FRAS1: variants seen among roughly 807,000 people sequenced by gnomAD.
FRAS1 encodes the protein extracellular matrix organizing protein FRAS1.
Under a neutral mutation model 435.2 loss-of-function variants are expected in FRAS1, and 290 were observed. That is an observed-to-expected ratio of 0.67 (90% CI 0.61 to 0.73). The LOEUF (loss-of-function observed/expected upper bound fraction) is 0.73, where lower values mean the gene tolerates loss of function less well. Ranked by LOEUF, FRAS1 falls within the 30% of genes least tolerant of loss-of-function variation. The pLI, the probability that FRAS1 is intolerant of heterozygous loss-of-function variation, is 0.00. For missense variants in FRAS1, 4,860 were observed against 5,001.5 expected, an observed-to-expected ratio of 0.97 and a Z score of 0.85; for synonymous variants, 1,800 against 1,851.0, an observed-to-expected ratio of 0.97 and a Z score of 0.71.
intron 2 of FRAS1, among the ~76,000 whole-genome samples, chr4:78,091,241 T>G (rs1356726356): frequency 1.3e-5 from 2 of 152,086 alleles, no homozygotes; most frequent in African/African-American, 4.8e-5. Context: ...TATTTAGGAA[T>G]CTCTCTTTTT....
At chr4:78,290,554 T>G (rs1727842540) in intron 14 of FRAS1, among the ~76,000 whole-genome samples, 1 of 151,922 alleles carries the variant, frequency 6.6e-6, no homozygotes, top group African/African-American at 2.4e-5. Context: ...CCTCCTGGGT[T>G]CAAGCGATTC....
rs981987632 is a variant in FRAS1, at chr4:78,446,232, A to G, written c.5857-495A>G. 1.1e-5 allele frequency: 11 copies of G among 996,218 alleles called. No homozygotes were observed. The African/African-American group carries it at 1.7e-4, about 16-fold the overall frequency. The allele number at this position is 996,218 out of a possible 1,614,324, so 61.7% of individuals were successfully genotyped here. ...GAAATACCCTCTGCCTTGGGAAAAT[A>G]AAATGTAAAGAACCCTCTGCACTCT... On this transcript the variant is annotated intron_variant, in intron 42 of 73. Transcript: ENST00000512123.
intron 18 of FRAS1, among the ~76,000 whole-genome samples, chr4:78,328,422 C>G (rs72866341): frequency 0.039 from 5,978 of 152,228 alleles, 323 homozygotes; most frequent in African/African-American, 0.12. Context: ...GTGCAAAAAT[C>G]TGTTGCTTCA....
chr4:78,323,957 G>C (rs1729614967), intron 18 of FRAS1, among the ~76,000 whole-genome samples: 1 of 152,130 alleles, frequency 6.6e-6, no homozygotes, highest in Admixed American at 6.5e-5. Context: ...TCAGTCGGGT[G>C]GGGGTGAGGT....
intron 20 of FRAS1, among the ~76,000 whole-genome samples, chr4:78,343,745 A>T (rs1461187405): frequency 1.3e-5 from 2 of 152,102 alleles, no homozygotes; most frequent in Non-Finnish European, 2.9e-5. Context: ...AGGGGGGAAA[A>T]CCCAGTTTAA....
At chr4:78,218,722 C>T (rs1723912410) in intron 2 of FRAS1, among the ~76,000 whole-genome samples, 1 of 152,208 alleles carries the variant, frequency 6.6e-6, no homozygotes, top group Non-Finnish European at 1.5e-5. Context: ...TGATCCAGCA[C>T]TGTTCCAAAC....
intron 3 of FRAS1, among the ~76,000 whole-genome samples, chr4:78,238,662 A>T (rs1724866052): frequency 6.6e-6 from 1 of 152,140 alleles, no homozygotes. Context: ...CTTTATGTTT[A>T]TAGGGTAAAT....
At position 78,317,203 on chromosome 4, in the gene FRAS1, T is replaced by G. The variant is rs142390946; in HGVS notation, c.1820-165T>G. Among the ~76,000 whole-genome samples, 1,159 of 152,312 alleles carry G rather than the reference T, an allele frequency of 7.6e-3. 8 individuals are homozygous for G. Among genetic ancestry groups the G allele is most frequent in the Non-Finnish European group, 0.011 (746 of 68,024 alleles). On this transcript the variant is annotated intron_variant, in intron 16 of 73. Transcript: ENST00000512123. ...TGGCTAAATGGTGGGTAAACGGCCA[T>G]GTGGGCAGTTCTGGCAGTGTAACCA...
At chr4:78,539,584 G>A in intron 73 of FRAS1, 144 bp downstream of exon 73, 1 of 835,540 alleles carries the variant, frequency 1.2e-6, no homozygotes, top group Non-Finnish European at 1.8e-6. Context: ...TTATTGTTAA[G>A]CTTATCACCC....
chr4:78,085,842 C>T (rs944295592), intron 2 of FRAS1, among the ~76,000 whole-genome samples: 1 of 152,110 alleles, frequency 6.6e-6, no homozygotes, highest in Non-Finnish European at 1.5e-5. Context: ...TTTAACACTC[C>T]ACTGTCAACA....
intron 2 of FRAS1, chr4:78,181,680 T>C: frequency 6.2e-7 from 1 of 1,609,770 alleles, no homozygotes; most frequent in East Asian, 2.2e-5. Flanking sequence ...CTATCAATTA[T>C]TTTCCCCTCA....
chr4:78,417,859 C>T (rs1405491690), intron 32 of FRAS1, among the ~76,000 whole-genome samples: 1 of 152,226 alleles, frequency 6.6e-6, no homozygotes, highest in East Asian at 1.9e-4. Flanking sequence ...CACACTCTAA[C>T]CCACCTTCAG....
chr4:78,526,618 G>T lies in FRAS1; in HGVS notation c.10886G>T (p.Gly3629Val), dbSNP rs962296133. The T allele has an allele frequency of 6.3e-7, 1 of 1,597,836 alleles. No homozygotes were observed. The highest frequency in any genetic ancestry group is 8.5e-7 in the Non-Finnish European group (1 of 1,172,926). ...VQPTQPWVDPGEKPLACTAHA... is the reference protein window; with the variant it reads ...VQPTQPWVDPVEKPLACTAHA... ...CCCACACAGCCATGGGTTGACCCAG[G>T]AGAGAAGCCTTTGGCCTGCACTGCA... The change falls in exon 70 of 74, where the codon GGA becomes GTA. Residue 3629 changes from glycine to valine, a missense_variant. Physicochemically the swap from Gly to Val is moderately radical, Grantham distance 109. Coordinates refer to ENST00000512123, the MANE Select transcript of FRAS1 (RefSeq NM_025074.7).
intron 29 of FRAS1, among the ~76,000 whole-genome samples, chr4:78,398,780 C>T (rs1033040568): frequency 6.6e-6 from 1 of 152,070 alleles, no homozygotes; most frequent in South Asian, 2.1e-4. Flanking sequence ...GTCAGGAGTT[C>T]GAGACCAGCC....
At position 78,267,423 on chromosome 4, in the gene FRAS1, G is replaced by T; in HGVS notation, c.972G>T (p.Glu324Asp). Residue 324 changes from glutamate to aspartate, a missense_variant, in exon 9 of 74, where the codon GAG (glutamate) becomes GAT (aspartate). Transcript: ENST00000512123. ...TCQTGECAKV[E>D]CARDEELIHL... ...AGACTGGAGAGTGTGCCAAAGTGGA[G>T]TGTGCCCGGGTAAGAAGCAGGGGCA... 2 of 1,613,538 alleles carry T rather than the reference G, an allele frequency of 1.2e-6. No homozygotes were observed. The highest frequency in any genetic ancestry group is 1.7e-6 in the Non-Finnish European group (2 of 1,179,694).
intron 47 of FRAS1, among the ~76,000 whole-genome samples, chr4:78,452,695 G>A (rs1195797424): frequency 1.3e-5 from 2 of 152,188 alleles, no homozygotes; most frequent in Non-Finnish European, 2.9e-5. Context: ...CATTCTGCAT[G>A]GCTTAAAAAT....
In FRAS1 at chr4:78,445,583, C is replaced by A; in HGVS notation, c.5727C>A (p.Val1909=). The A allele has an allele frequency of 6.2e-7, 1 of 1,612,970 alleles. No individual in the cohort carries two copies. Among genetic ancestry groups the A allele is most frequent in the South Asian group, 1.1e-5 (1 of 90,858 alleles). ...DLEASFPIQD[V]LENYIYYFQS... is the part of the protein sequence containing the mutation. ...AGGCATCATTTCCTATTCAAGACGT[C>A]CTGGAAAACTACATTTACTACTTTC... Residue 1909 remains valine (V), a synonymous_variant, in exon 42 of 74, where the codon GTC becomes GTA. Transcript: ENST00000512123.
At chr4:78,269,086 A>G (rs1285316092) in intron 9 of FRAS1, among the ~76,000 whole-genome samples, 1 of 152,258 alleles carries the variant, frequency 6.6e-6, no homozygotes, top group Non-Finnish European at 1.5e-5. Context: ...ATTGACTCTG[A>G]TGAAACATAT....
intron 50 of FRAS1, among the ~76,000 whole-genome samples, chr4:78,467,487 G>A (rs1719569062): frequency 6.6e-6 from 1 of 152,104 alleles, no homozygotes; most frequent in South Asian, 2.1e-4. Flanking sequence ...TGGACACTTA[G>A]GTTGCTTCCA....
Sources: allele counts gnomAD v4.1 joint callset (sites outside exome capture counted in the v4.1 genomes callset), GRCh38; gene constraint gnomAD v4.1.1; transcripts MANE v1.5; gene names NCBI Gene and HGNC (gene_info 2026-07-23, HGNC 2026-07-21).